Variants in ATP2C2 observed in about 807,000 individuals in gnomAD.
ATP2C2 encodes the protein ATPase secretory pathway Ca2+ transporting 2, also known as calcium-transporting ATPase type 2C member 2.
In ATP2C2, 171 loss-of-function variants were observed where a neutral mutation model predicts 110.8. The ratio of observed to expected loss-of-function variants is 1.54; its 90% CI spans 1.36 to 1.75. ATP2C2 has a LOEUF of 1.75. Among genes scored for constraint, ATP2C2 ranks in the 40% most tolerant of loss-of-function variants. The pLI, the probability that ATP2C2 is intolerant of heterozygous loss-of-function variation, is 0.00. For synonymous variants in ATP2C2, 804 were observed against 508.4 expected, an observed-to-expected ratio of 1.58 and a Z score of -7.82; for missense variants, 1,963 against 1,235.0, an observed-to-expected ratio of 1.59 and a Z score of -8.84.
intron 1 of ATP2C2, among the ~76,000 whole-genome samples, chr16:84,389,735 T>C (rs1175993087): frequency 2.0e-5 from 3 of 150,696 alleles, no homozygotes; most frequent in Non-Finnish European, 4.4e-5. Flanking sequence ...TTTTTTTTTT[T>C]TTTGAGATGG....
Position 84,460,928 on chromosome 16 carries a change from T to C in ATP2C2, c.2481+127T>C, listed in dbSNP as rs1246523770. ...GCAAACATGTACACACACCGGACAATGTGATGCCATCAGAGGCGTGGGGTG... is the reference window on the plus strand; with the variant it reads ...GCAAACATGTACACACACCGGACAACGTGATGCCATCAGAGGCGTGGGGTG... On this transcript the variant is annotated intron_variant, in intron 24 of 26. Transcript: ENST00000262429. The C allele has an allele frequency of 1.6e-5, 21 of 1,325,216 alleles. No homozygotes were observed. The East Asian group carries it at 2.8e-4, about 18-fold the overall frequency. 82.1% of individuals were successfully genotyped at this position (1,325,216 alleles called of 1,614,324 possible).
chr16:84,412,501 T>C lies in ATP2C2; in HGVS notation c.515+1736T>C, dbSNP rs898603686. On this transcript the variant is annotated intron_variant, in intron 6 of 26. Transcript: ENST00000262429. ...GCATGTGTATGTGTGCATGTGTGTA[T>C]ATGTGTCTGTGTGTGTCTGTGTGTG... Among the ~76,000 whole-genome samples, 4 of 128,118 alleles carry C rather than the reference T, an allele frequency of 3.1e-5. No individual in the cohort carries two copies. In the Admixed American group the frequency reaches 3.4e-4, roughly 11 times the overall value. The allele number at this position is 128,118 out of a possible 152,430, so 84.1% of individuals were successfully genotyped here. A position where few individuals can be genotyped will look rare whatever the true frequency, so the allele number is the denominator to read the frequency against.
At chr16:84,404,791 A>G in intron 2 of ATP2C2, 1 of 351,574 alleles carries the variant, frequency 2.8e-6, no homozygotes, top group Non-Finnish European at 5.4e-6. Flanking sequence ...CAGCTGCACC[A>G]TTTTACATTC....
chr16:84,413,813 A>T (rs1906598798), intron 6 of ATP2C2, among the ~76,000 whole-genome samples: 1 of 152,126 alleles, frequency 6.6e-6, no homozygotes, highest in Admixed American at 6.5e-5. Flanking sequence ...GTGTTACTCC[A>T]TCCCTGGTGC....
At chr16:84,384,340 C>T (rs1251396486) in intron 1 of ATP2C2, among the ~76,000 whole-genome samples, 7 of 152,082 alleles carry the variant, frequency 4.6e-5, no homozygotes, top group African/African-American at 7.2e-5. Flanking sequence ...GGCTCGGGGA[C>T]GTCATAGGAT....
At chr16:84,418,198 A>G (rs11643232) in intron 7 of ATP2C2, among the ~76,000 whole-genome samples, 12,184 of 152,248 alleles carry the variant, frequency 0.08, 957 homozygotes, top group East Asian at 0.46. Flanking sequence ...CCGGGTGGGC[A>G]TGAGCCCTGT....
At chr16:84,392,229 A>C (rs55915621) in intron 1 of ATP2C2, among the ~76,000 whole-genome samples, 1 of 152,266 alleles carries the variant, frequency 6.6e-6, no homozygotes, top group Non-Finnish European at 1.5e-5. Flanking sequence ...TTCATCTATA[A>C]ATATTTCTGC....
At chr16:84,435,434 C>G (rs530761300) in intron 11 of ATP2C2, among the ~76,000 whole-genome samples, 15 of 152,302 alleles carry the variant, frequency 9.8e-5, no homozygotes, top group African/African-American at 3.6e-4. Context: ...GTGTGCTAGG[C>G]CAGCGCAGGC....
chr16:84,384,165 C>A (rs1904293142), intron 1 of ATP2C2, among the ~76,000 whole-genome samples: 1 of 152,206 alleles, frequency 6.6e-6, no homozygotes, highest in African/African-American at 2.4e-5. Context: ...CACAACATGA[C>A]CATCCAGTCC....
Position 84,448,438 on chromosome 16 carries a change from T to G in ATP2C2, c.1504-95T>G, listed in dbSNP as rs894746726. Reference sequence around the variant, plus strand: ...AATAACTCCGCTGCAAAGATCCCCGTGTGTGTCTTTGTAACCTTGTGCAGA... The same window carrying G: ...AATAACTCCGCTGCAAAGATCCCCGGGTGTGTCTTTGTAACCTTGTGCAGA... On this transcript the variant is annotated intron_variant, in intron 16 of 26. Coordinates refer to ENST00000262429, the MANE Select transcript of ATP2C2 (RefSeq NM_014861.4). 2.1e-6 allele frequency: 3 copies of G among 1,404,656 alleles called. No individual in the cohort carries two copies. The African/African-American group carries it at 4.3e-5, about 20-fold the overall frequency. 87.0% of individuals were successfully genotyped at this position (1,404,656 alleles called of 1,614,324 possible).
At position 84,459,355 on chromosome 16, in the gene ATP2C2, A is replaced by T. The variant is rs763431394; in HGVS notation, c.2302A>T (p.Asn768Tyr). 4.3e-6 allele frequency: 7 copies of T among 1,614,072 alleles called. No homozygotes were observed. The highest frequency in any genetic ancestry group is 3.3e-5 in the Admixed American group (2 of 60,014). Residue 768 changes from asparagine (N) to tyrosine (Y), a missense_variant, in exon 23 of 27, where the codon AAC becomes TAC. By Grantham distance (143) the Asn-to-Tyr change is moderately radical. Transcript: ENST00000262429. ...PLNAMQILWI[N>Y]IIMDGPPAQS... ...CAACGCCATGCAGATCCTATGGATCAACATCATCATGGATGGGCCACCGGC... is the reference window on the plus strand; with the variant it reads ...CAACGCCATGCAGATCCTATGGATCTACATCATCATGGATGGGCCACCGGC...
Position 84,455,078 on chromosome 16 carries a change from G to T in ATP2C2, c.2147+94G>T, listed in dbSNP as rs528855594. On this transcript the variant is annotated intron_variant, in intron 21 of 26. Transcript: ENST00000262429. ...TGCTACTGTGGAGATAGAGGGGGGG[G>T]TCTCGCGGAGTCCCCAGGGAGAGCT... 344 of 1,445,602 alleles carry T rather than the reference G, an allele frequency of 2.4e-4. 5 individuals carry two copies. The African/African-American group carries it at 4.3e-3, about 18-fold the overall frequency. The allele number at this position is 1,445,602 out of a possible 1,614,324, so 89.5% of individuals were successfully genotyped here.
At chr16:84,404,849 C>G in intron 2 of ATP2C2, 1 of 326,476 alleles carries the variant, frequency 3.1e-6, no homozygotes, top group Non-Finnish European at 6.0e-6. Flanking sequence ...AGATGTGTTT[C>G]TGCATTTCTG....
chr16:84,415,568 C>G lies in ATP2C2; in HGVS notation c.601C>G (p.Pro201Ala), dbSNP rs200595572. 9 of 1,613,908 alleles carry G rather than the reference C, an allele frequency of 5.6e-6. No individual in the cohort carries two copies. Among genetic ancestry groups the G allele is most frequent in the Admixed American group, 5.0e-5 (3 of 59,986 alleles). The part of the protein sequence containing the change: ...VVSLSIGDRI[P>A]ADIRLTEVTD... ...ATCTCTCTCGATCGGAGACCGGATCCCTGCAGACATCCGACTCACTGAGGT... is the reference window on the plus strand; with the variant it reads ...ATCTCTCTCGATCGGAGACCGGATCGCTGCAGACATCCGACTCACTGAGGT... The change falls in exon 7 of 27, where the codon CCT becomes GCT. Residue 201 changes from proline to alanine, a missense_variant. Pro to Ala is a conservative substitution (Grantham distance 27). Coordinates refer to ENST00000262429, the MANE Select transcript of ATP2C2 (RefSeq NM_014861.4).
chr16:84,390,076 GC>G, intron 1 of ATP2C2, among the ~76,000 whole-genome samples: 1 of 152,244 alleles, frequency 6.6e-6, no homozygotes, highest in Non-Finnish European at 1.5e-5. Context: ...TATACCCTTA[GC>G]CCCCCACATT....
In ATP2C2 at chr16:84,372,496, T is replaced by C. The variant is rs745982148; in HGVS notation, c.99+3782T>C. The stretch of plus-strand genomic sequence containing the variant: ...TCACCCAGGCTGGAGTGCAATGGCA[T>C]GGTCTTGGCTCACTGCAACCTCTGC... On this transcript the variant is annotated intron_variant, in intron 1 of 26. Coordinates refer to ENST00000262429, the MANE Select transcript of ATP2C2 (RefSeq NM_014861.4). 2.6e-5 allele frequency among the ~76,000 whole-genome samples: 4 copies of C among 152,128 alleles called. 1 individual carries two copies. The highest frequency in any genetic ancestry group is 6.5e-5 in the Admixed American group (1 of 15,270).
intron 1 of ATP2C2, among the ~76,000 whole-genome samples, chr16:84,379,415 C>T (rs1222224900): frequency 5.3e-5 from 8 of 152,208 alleles, no homozygotes; most frequent in Non-Finnish European, 4.4e-5. Flanking sequence ...ATCTGTCCAC[C>T]GCGGTCTCCC....
chr16:84,412,458 C>A (rs925760967), intron 6 of ATP2C2, among the ~76,000 whole-genome samples: 1 of 136,900 alleles, frequency 7.3e-6, no homozygotes, highest in Non-Finnish European at 1.6e-5. Flanking sequence ...GTGTCTGTGT[C>A]TCCGTGTGTG....
Position 84,398,643 on chromosome 16 carries a change from G to A in ATP2C2, c.210+34G>A, listed in dbSNP as rs182117198. 994 of 1,524,570 alleles carry A rather than the reference G, an allele frequency of 6.5e-4. 7 individuals are homozygous for A. The African/African-American group carries it at 0.01, about 16-fold the overall frequency. 94.4% of individuals were successfully genotyped at this position (1,524,570 alleles called of 1,614,324 possible). A position where few individuals can be genotyped will look rare whatever the true frequency, so the allele number is the denominator to read the frequency against. ...TGAATTTGCATCTGGAGCTAATTGT[G>A]ATAAGGTTTTATGTTTAAAAGAAAG... On this transcript the variant is annotated intron_variant, in intron 2 of 26. Coordinates refer to ENST00000262429, the MANE Select transcript of ATP2C2 (RefSeq NM_014861.4).
Sources: gnomAD v4.1 joint callset for allele counts (sites outside exome capture counted in the v4.1 genomes callset) on GRCh38, gnomAD v4.1.1 for gene constraint, MANE v1.5 for transcripts, NCBI Gene and HGNC (gene_info 2026-07-23, HGNC 2026-07-21) for gene names.